The following VPS53 variants were observed in gnomAD, a reference collection of about 807,000 sequenced individuals.
VPS53 encodes VPS53 subunit of GARP complex.
In VPS53, 70 loss-of-function variants were observed where a neutral mutation model predicts 107.0. The ratio of observed to expected loss-of-function variants is 0.65; its 90% CI spans 0.54 to 0.80. VPS53 has a LOEUF of 0.80. Ranked by LOEUF, VPS53 falls within the 30% of genes least tolerant of loss-of-function variation. VPS53 has a pLI of 0.00. For synonymous variants in VPS53, 409 were observed against 393.3 expected, an observed-to-expected ratio of 1.04 and a Z score of -0.47; for missense variants, 917 against 1,049.4, an observed-to-expected ratio of 0.87 and a Z score of 1.74.
chr17:623,581 C>T lies in VPS53; in HGVS notation c.1068G>A (p.Gly356=). Residue 356 remains glycine, a synonymous_variant, in exon 11 of 22, where the codon GGG becomes GGA. Transcript: ENST00000437048. ...AGCCGGAGAAGCGTTTTGCAAGAAA[C>T]CCCTCAAAGTTAGTTGTTCTTTGAA... The part of the protein sequence containing the change: ...FAIQRTTNFE[G]FLAKRFSGCT... 3 of 1,613,824 alleles carry T rather than the reference C, an allele frequency of 1.9e-6. No homozygotes were observed. The highest frequency in any genetic ancestry group is 2.5e-6 in the Non-Finnish European group (3 of 1,179,808).
Position 515,001 on chromosome 17 carries a change from C to T in VPS53, c.*4127G>A, listed in dbSNP as rs1908201906. 6.6e-6 allele frequency: 1 copy of T among 152,250 alleles called. No homozygotes were observed. Among genetic ancestry groups the T allele is most frequent in the South Asian group, 2.1e-4 (1 of 4,830 alleles). 9.4% of individuals were successfully genotyped at this position (152,250 alleles called of 1,614,324 possible). A position where few individuals can be genotyped will look rare whatever the true frequency, so the allele number is the denominator to read the frequency against. The stretch of plus-strand genomic sequence containing the variant: ...AGAGTCCACACAGGATGTTCTCTGG[C>T]CTGGACACCGCTAAGCCAGCTTTCA... On this transcript the variant is annotated 3_prime_UTR_variant, in exon 22 of 22. Transcript: ENST00000437048.
intron 4 of VPS53, among the ~76,000 whole-genome samples, chr17:676,671 T>C (rs1466281946): frequency 1.3e-5 from 2 of 152,200 alleles, no homozygotes; most frequent in African/African-American, 2.4e-5. Context: ...CCAATTTATA[T>C]GGAGATGGCT....
intron 4 of VPS53, among the ~76,000 whole-genome samples, chr17:687,462 G>A (rs150990336): frequency 0.03 from 4,532 of 151,946 alleles, 127 homozygotes; most frequent in Non-Finnish European, 0.044. Context: ...TGTAGTCCCA[G>A]CTACTCAGGA....
chr17:666,492 TG>T (rs1971693740), intron 4 of VPS53, among the ~76,000 whole-genome samples: 1 of 152,018 alleles, frequency 6.6e-6, no homozygotes, highest in East Asian at 1.9e-4. Context: ...GATGAAACCC[TG>T]TCTCTACTCA....
chr17:517,290 G>C lies in VPS53; in HGVS notation c.*1838C>G, dbSNP rs1292567112. 5.1e-6 allele frequency: 2 copies of C among 395,474 alleles called. No individual in the cohort carries two copies. Among genetic ancestry groups the C allele is most frequent in the Non-Finnish European group, 8.9e-6 (2 of 224,454 alleles). The allele number at this position is 395,474 out of a possible 1,614,324, so 24.5% of individuals were successfully genotyped here. ...CAAATTTGAGACGCTTGATGCGTGA[G>C]AGTCAAACCAGCTAGCAAGGACAGC... On this transcript the variant is annotated 3_prime_UTR_variant, in exon 22 of 22. Coordinates refer to ENST00000437048, the MANE Select transcript of VPS53 (RefSeq NM_001128159.3).
chr17:688,731 C>G (rs1972677617), intron 4 of VPS53, among the ~76,000 whole-genome samples: 1 of 152,148 alleles, frequency 6.6e-6, no homozygotes, highest in Admixed American at 6.5e-5. Flanking sequence ...CAACCTTGAC[C>G]TCTGCACTAG....
At position 714,791 on chromosome 17, in the gene VPS53, T is replaced by G; in HGVS notation, c.-82A>C. The G allele has an allele frequency of 1.3e-6, 2 of 1,510,410 alleles. No homozygotes were observed. Among genetic ancestry groups the G allele is most frequent in the South Asian group, 1.1e-5 (1 of 88,876 alleles). The allele number at this position is 1,510,410 out of a possible 1,614,324, so 93.6% of individuals were successfully genotyped here. On this transcript the variant is annotated 5_prime_UTR_variant, in exon 1 of 22. Coordinates refer to ENST00000437048, the MANE Select transcript of VPS53 (RefSeq NM_001128159.3). The stretch of plus-strand genomic sequence containing the variant: ...GCCACCCAGGCCCCAGCACAGCAAC[T>G]CCCTCGCGGCAGCGACCTGGTGAGC...
chr17:543,093 A>T (rs927508512), intron 17 of VPS53, among the ~76,000 whole-genome samples: 1 of 152,168 alleles, frequency 6.6e-6, no homozygotes, highest in African/African-American at 2.4e-5. Flanking sequence ...GTAGAACTTG[A>T]CAGTTTCTTA....
intron 7 of VPS53, among the ~76,000 whole-genome samples, chr17:634,861 T>C (rs1179040491): frequency 1.3e-5 from 2 of 148,956 alleles, no homozygotes; most frequent in Admixed American, 1.3e-4. Flanking sequence ...AACATACGTG[T>C]GCATGTGTCT....
chr17:581,413 C>A (rs1967009741), intron 13 of VPS53, among the ~76,000 whole-genome samples: 1 of 151,476 alleles, frequency 6.6e-6, no homozygotes, highest in Admixed American at 6.6e-5. Context: ...TTCCTCAGAA[C>A]CTAATGCATT....
chr17:655,222 T>C (rs1384929889), intron 6 of VPS53, among the ~76,000 whole-genome samples: 1 of 152,160 alleles, frequency 6.6e-6, no homozygotes, highest in Non-Finnish European at 1.5e-5. Context: ...GGCTTTAGAT[T>C]GCTCCTTTGT....
At chr17:533,121 G>C in intron 18 of VPS53, 1 of 765,378 alleles carries the variant, frequency 1.3e-6, no homozygotes, top group Non-Finnish European at 2.0e-6. Flanking sequence ...CGGGAAAACC[G>C]GATCCCATCC....
intron 13 of VPS53, among the ~76,000 whole-genome samples, chr17:581,309 C>A (rs1335017459): frequency 6.7e-6 from 1 of 148,664 alleles, no homozygotes; most frequent in Admixed American, 6.7e-5. Context: ...CCAGAGAACC[C>A]CTCTCAGAAC....
chr17:588,487 G>C (rs1348513229), intron 12 of VPS53, among the ~76,000 whole-genome samples: 1 of 152,004 alleles, frequency 6.6e-6, no homozygotes, highest in South Asian at 2.1e-4. Context: ...CGTTGCAATG[G>C]TTAAAAACAT....
intron 13 of VPS53, among the ~76,000 whole-genome samples, chr17:565,494 C>T (rs1372975423): frequency 6.6e-6 from 1 of 151,828 alleles, no homozygotes; most frequent in African/African-American, 2.4e-5. Context: ...AGCTTCTGGC[C>T]TAGGCTAAGT....
chr17:656,552 C>A (rs749398572), intron 5 of VPS53, among the ~76,000 whole-genome samples: 7 of 152,072 alleles, frequency 4.6e-5, no homozygotes, highest in Admixed American at 1.3e-4. Context: ...TCAGCAGGTC[C>A]AAGAGAAGAG....
At chr17:552,374 A>C (rs559989084) in intron 16 of VPS53, among the ~76,000 whole-genome samples, 3 of 152,016 alleles carry the variant, frequency 2.0e-5, no homozygotes, top group African/African-American at 7.2e-5. Flanking sequence ...GGTTGATGTG[A>C]AAGCTGAGAA....
At chr17:555,182 C>T (rs560430768) in intron 15 of VPS53, among the ~76,000 whole-genome samples, 1 of 152,358 alleles carries the variant, frequency 6.6e-6, no homozygotes, top group South Asian at 2.1e-4. Flanking sequence ...CTTTCTGGCC[C>T]CGTCTTGCCA....
Position 692,856 on chromosome 17 carries a change from C to T in VPS53, c.285+4562G>A, listed in dbSNP as rs572318300. 2.6e-3 allele frequency among the ~76,000 whole-genome samples: 397 copies of T among 152,232 alleles called. 3 individuals carry two copies. Among genetic ancestry groups the T allele is most frequent in the African/African-American group, 9.2e-3 (384 of 41,544 alleles). On this transcript the variant is annotated intron_variant, in intron 4 of 21. Transcript: ENST00000437048. Reference sequence around the variant, plus strand: ...TCTCTACTAAAAATACAAAAATGAGCTGGGCATGGTGGTGCGCACCTGTAA... The same window carrying T: ...TCTCTACTAAAAATACAAAAATGAGTTGGGCATGGTGGTGCGCACCTGTAA...
Sources: gnomAD v4.1 joint callset for allele counts (sites outside exome capture counted in the v4.1 genomes callset) on GRCh38, gnomAD v4.1.1 for gene constraint, MANE v1.5 for transcripts, NCBI Gene and HGNC (gene_info 2026-07-23, HGNC 2026-07-21) for gene names.